AQP7B: variants seen among roughly 807,000 people sequenced by gnomAD.
The protein encoded by AQP7B is aquaporin 7B.
the AQP7B span, chr2:94,602,651 C>A: frequency 2.6e-6 from 4 of 1,554,578 alleles, no homozygotes; most frequent in East Asian, 6.8e-5. Context: ...CTGGGCAAGA[C>A]CAGGTGTCCC....
At chr2:94,595,691 G>A in the AQP7B span, among the ~76,000 whole-genome samples, 1 of 152,134 alleles carries the variant, frequency 6.6e-6, no homozygotes, top group East Asian at 1.9e-4. Context: ...CTGATCTGGG[G>A]TTGGAGAAGA....
the AQP7B span, among the ~76,000 whole-genome samples, chr2:94,596,399 G>T: frequency 2.0e-5 from 3 of 152,192 alleles, no homozygotes; most frequent in Non-Finnish European, 4.4e-5. Context: ...CCTCTGGGAA[G>T]GGAGGCAAAG....
At chr2:94,600,452 C>T in the AQP7B span, among the ~76,000 whole-genome samples, 1 of 152,144 alleles carries the variant, frequency 6.6e-6, no homozygotes, top group East Asian at 1.9e-4. Flanking sequence ...GATATTCTGG[C>T]CAGGCATGGT....
At chr2:94,588,597 G>T in the AQP7B span, 2 of 685,248 alleles carry the variant, frequency 2.9e-6, no homozygotes, top group Non-Finnish European at 5.1e-6. Flanking sequence ...CCTCCACCCA[G>T]CCCACTTCAG....
At chr2:94,587,769 G>T in the AQP7B span, among the ~76,000 whole-genome samples, 1 of 152,132 alleles carries the variant, frequency 6.6e-6, no homozygotes, top group East Asian at 1.9e-4. Flanking sequence ...AGGGGGAGGC[G>T]TGCAGGCAGG....
chr2:94,588,145 G>A, the AQP7B span, among the ~76,000 whole-genome samples: 3 of 152,082 alleles, frequency 2.0e-5, no homozygotes, highest in Non-Finnish European at 4.4e-5. Context: ...TTAGCAGCAA[G>A]AGGGATTGAG....
At chr2:94,594,803 G>C in the AQP7B span, 1 of 1,570,502 alleles carries the variant, frequency 6.4e-7, no homozygotes, top group Admixed American at 1.7e-5. Context: ...CAGGAAATAT[G>C]GTGCGAGGAA....
At chr2:94,604,170 G>T in the AQP7B span, 10 of 1,072,294 alleles carry the variant, frequency 9.3e-6, no homozygotes, top group East Asian at 7.3e-5. Flanking sequence ...TGGGTTGGGG[G>T]TGTTTCCTGG....
chr2:94,596,051 G>A, the AQP7B span, among the ~76,000 whole-genome samples: 2 of 152,234 alleles, frequency 1.3e-5, no homozygotes, highest in Non-Finnish European at 2.9e-5. Flanking sequence ...AGAGAGGTGT[G>A]AGGAGAACCA....
the AQP7B span, among the ~76,000 whole-genome samples, chr2:94,589,250 C>T: frequency 4.0e-5 from 6 of 151,294 alleles, no homozygotes; most frequent in Admixed American, 4.0e-4. Flanking sequence ...CTCAGGTGAT[C>T]CACCCGCCTC....
the AQP7B span, among the ~76,000 whole-genome samples, chr2:94,596,099 C>A: frequency 2.9e-3 from 439 of 152,302 alleles, 2 homozygotes; most frequent in African/African-American, 9.8e-3. Flanking sequence ...GTGGTTCCAC[C>A]AGGAAGAAGC....
At chr2:94,602,671 C>T in the AQP7B span, 1 of 1,510,972 alleles carries the variant, frequency 6.6e-7, no homozygotes. Flanking sequence ...CCAACAGGCT[C>T]TTTCCTGCCC....
At chr2:94,596,992 G>T in the AQP7B span, among the ~76,000 whole-genome samples, 1 of 152,256 alleles carries the variant, frequency 6.6e-6, no homozygotes, top group South Asian at 2.1e-4. Flanking sequence ...GAGTCACCTC[G>T]CCTGGCCCAC....
At chr2:94,601,442 G>A in the AQP7B span, among the ~76,000 whole-genome samples, 1 of 152,202 alleles carries the variant, frequency 6.6e-6, no homozygotes, top group Non-Finnish European at 1.5e-5. Flanking sequence ...GAGGTGACGG[G>A]AATTTTAGCG....
the AQP7B span, among the ~76,000 whole-genome samples, chr2:94,592,399 C>A: frequency 1.3e-5 from 2 of 152,290 alleles, no homozygotes; most frequent in Admixed American, 6.5e-5. Flanking sequence ...GTATTCCTTA[C>A]CCCAGAGAAA....
At chr2:94,595,857 C>T in the AQP7B span, among the ~76,000 whole-genome samples, 1 of 152,136 alleles carries the variant, frequency 6.6e-6, no homozygotes, top group Admixed American at 6.5e-5. Flanking sequence ...TAGTTAAACA[C>T]AGGCAAGGGG....
At chr2:94,595,710 G>A in the AQP7B span, among the ~76,000 whole-genome samples, 4 of 152,274 alleles carry the variant, frequency 2.6e-5, no homozygotes, top group South Asian at 4.1e-4. Flanking sequence ...GAAAGCACAT[G>A]TTTGAGAGGG....
chr2:94,602,724 T>C, the AQP7B span: 1 of 1,187,488 alleles, frequency 8.4e-7, no homozygotes, highest in South Asian at 1.4e-5. Context: ...TGCCTCAGCC[T>C]GGCCACCGGG....
chr2:94,592,117 C>G, the AQP7B span, among the ~76,000 whole-genome samples: 3 of 152,128 alleles, frequency 2.0e-5, no homozygotes, highest in Admixed American at 1.3e-4. Context: ...CCAGGACTCT[C>G]TTGGTGTTCT....
Sources: allele counts gnomAD v4.1 joint callset (sites outside exome capture counted in the v4.1 genomes callset), GRCh38; gene constraint gnomAD v4.1.1; transcripts MANE v1.5; gene names NCBI Gene and HGNC (gene_info 2026-07-23, HGNC 2026-07-21).